The following GABRA3 variants were observed in gnomAD, a reference collection of about 807,000 sequenced individuals.
GABRA3 encodes the protein gamma-aminobutyric acid receptor subunit alpha-3.
GABRA3 carries 10 observed loss-of-function variants against 30.1 expected under a neutral mutation model. That is an observed-to-expected ratio of 0.33 (90% CI 0.20 to 0.56). The LOEUF is 0.56. Among genes scored for constraint, GABRA3 ranks in the 20% least tolerant of loss-of-function variants. The probability of loss-of-function intolerance (pLI) is 0.89; values close to 1 mark genes in which losing one functional copy is unlikely to be tolerated. For missense variants in GABRA3, 233 were observed against 392.0 expected (o/e 0.59, Z 3.42); for synonymous variants, 151 against 146.8 (o/e 1.03, Z -0.21).
At chrX:152,390,335 A>C (rs558625759) in intron 1 of GABRA3, among the ~76,000 whole-genome samples, 1 of 112,748 alleles carries the variant, frequency 8.9e-6, no homozygotes, top group East Asian at 2.8e-4. Flanking sequence ...CAAATGAAAT[A>C]AATTTGATAT....
At chrX:152,255,714 C>A in intron 5 of GABRA3, 64 bp downstream of exon 5, 1 of 987,263 alleles carries the variant, frequency 1.0e-6, no homozygotes, top group Non-Finnish European at 1.4e-6. Flanking sequence ...TACTCTAAAA[C>A]ATTCTGCTTT....
intron 6 of GABRA3, among the ~76,000 whole-genome samples, chrX:152,218,181 A>G (rs1937763786): frequency 9.1e-6 from 1 of 109,557 alleles, no homozygotes; most frequent in South Asian, 3.8e-4. Context: ...CATTTGTTTC[A>G]AAATATTTTC....
At chrX:152,241,259 G>T (rs1469761826) in intron 5 of GABRA3, among the ~76,000 whole-genome samples, 1 of 96,507 alleles carries the variant, frequency 1.0e-5, no homozygotes, top group Non-Finnish European at 2.2e-5. Context: ...ACCCTGCAGT[G>T]TGAGGTGTCA....
chrX:152,337,125 T>C (rs1940245965), intron 3 of GABRA3, among the ~76,000 whole-genome samples: 1 of 111,882 alleles, frequency 8.9e-6, no homozygotes, highest in African/African-American at 3.2e-5. Flanking sequence ...ATGTGATAAT[T>C]TAATATATTC....
At chrX:152,218,785 T>C (rs1310912685) in intron 6 of GABRA3, among the ~76,000 whole-genome samples, 1 of 111,358 alleles carries the variant, frequency 9.0e-6, no homozygotes, top group Non-Finnish European at 1.9e-5. Flanking sequence ...GAACTAATCA[T>C]TTTTCTTGAA....
chrX:152,352,464 A>G (rs1340821207), intron 2 of GABRA3, among the ~76,000 whole-genome samples: 1 of 111,590 alleles, frequency 9.0e-6, no homozygotes, highest in Non-Finnish European at 1.9e-5. Context: ...AAGATCACTG[A>G]CCATCTAGAG....
chrX:152,310,030 G>T (rs1025159218), intron 3 of GABRA3, among the ~76,000 whole-genome samples: 1 of 111,947 alleles, frequency 8.9e-6, no homozygotes, highest in East Asian at 2.8e-4. Context: ...ATAAGAAAAA[G>T]ACAAAAAACT....
At chrX:152,337,975 G>T (rs1198300264) in intron 3 of GABRA3, among the ~76,000 whole-genome samples, 1 of 112,358 alleles carries the variant, frequency 8.9e-6, no homozygotes, top group Non-Finnish European at 1.9e-5. Context: ...TTTGGCTATT[G>T]TAAATAGTGC....
At chrX:152,241,441 G>C (rs1257405213) in intron 5 of GABRA3, among the ~76,000 whole-genome samples, 2 of 105,941 alleles carry the variant, frequency 1.9e-5, no homozygotes, top group Non-Finnish European at 2.0e-5. Flanking sequence ...GTCTGCAGAG[G>C]TTACTGCTGT....
intron 5 of GABRA3, among the ~76,000 whole-genome samples, chrX:152,244,942 T>A (rs1302566075): frequency 5.4e-5 from 6 of 111,876 alleles, no homozygotes; most frequent in African/African-American, 9.7e-5. Flanking sequence ...GAATACTGAT[T>A]ATTTTTTAAA....
At chrX:152,227,567 A>C (rs1638933541) in intron 5 of GABRA3, among the ~76,000 whole-genome samples, 2 of 105,879 alleles carry the variant, frequency 1.9e-5, no homozygotes, top group Admixed American at 2.1e-4. Context: ...AAAAAAGTTA[A>C]ATTGTATAAA....
At chrX:152,195,119 A>T (rs975845899) in intron 8 of GABRA3, among the ~76,000 whole-genome samples, 1 of 111,839 alleles carries the variant, frequency 8.9e-6, no homozygotes, top group Non-Finnish European at 1.9e-5. Context: ...TTTCTTACAT[A>T]AACAATTCTG....
chrX:152,248,175 T>C (rs1296688849), intron 5 of GABRA3, among the ~76,000 whole-genome samples: 1 of 110,380 alleles, frequency 9.1e-6, no homozygotes, highest in Non-Finnish European at 1.9e-5. Context: ...TTTCTATTTA[T>C]CTTCCAGAAT....
intron 3 of GABRA3, among the ~76,000 whole-genome samples, chrX:152,328,781 A>C (rs770983113): frequency 2.7e-5 from 3 of 111,723 alleles, no homozygotes; most frequent in South Asian, 3.8e-4. Context: ...TCCCTTTGAA[A>C]ACTGGCACAA....
At chrX:152,241,136 C>T (rs1320283236) in intron 5 of GABRA3, among the ~76,000 whole-genome samples, 1 of 102,831 alleles carries the variant, frequency 9.7e-6, no homozygotes, top group Non-Finnish European at 2.0e-5. Context: ...GTTTTATCTA[C>T]TTTTGGTCTT....
chrX:152,437,969 C>T (rs1930819805), intron 1 of GABRA3, among the ~76,000 whole-genome samples: 1 of 111,850 alleles, frequency 8.9e-6, no homozygotes, highest in African/African-American at 3.2e-5. Flanking sequence ...GATAAATTGA[C>T]CTTCATTAAA....
At chrX:152,419,323 C>CA (rs1346934528) in intron 1 of GABRA3, among the ~76,000 whole-genome samples, 1 of 108,907 alleles carries the variant, frequency 9.2e-6, no homozygotes, top group Non-Finnish European at 1.9e-5. Flanking sequence ...ATGTAACACA[C>CA]AAAAAAAGAA....
intron 3 of GABRA3, among the ~76,000 whole-genome samples, chrX:152,312,605 C>T (rs1001457066): frequency 9.0e-6 from 1 of 111,731 alleles, no homozygotes; most frequent in African/African-American, 3.3e-5. Context: ...AAATTAAAAG[C>T]AATTGCAACA....
intron 4 of GABRA3, among the ~76,000 whole-genome samples, chrX:152,274,838 T>C (rs1296069524): frequency 9.3e-6 from 1 of 107,546 alleles, no homozygotes; most frequent in African/African-American, 3.4e-5. Context: ...CAAAAATAAA[T>C]AATACAGATG....
Sources: gnomAD v4.1 joint callset for allele counts (sites outside exome capture counted in the v4.1 genomes callset) on GRCh38, gnomAD v4.1.1 for gene constraint, MANE v1.5 for transcripts, NCBI Gene and HGNC (gene_info 2026-07-23, HGNC 2026-07-21) for gene names.